CANX: variants seen among roughly 807,000 people sequenced by gnomAD.
CANX encodes calnexin.
In CANX, 14 loss-of-function variants were observed where a neutral mutation model predicts 75.7. The ratio of observed to expected loss-of-function variants is 0.19; its 90% confidence interval spans 0.12 to 0.29. The LOEUF (loss-of-function observed/expected upper bound fraction) is 0.29, where lower values mean the gene tolerates loss of function less well. Among genes scored for constraint, CANX ranks in the 10% least tolerant of loss-of-function variants. CANX has a pLI of 1.00. For synonymous variants in CANX, 227 were observed against 236.9 expected, an observed-to-expected ratio of 0.96 and a Z score of 0.38; for missense variants, 567 against 713.2, an observed-to-expected ratio of 0.79 and a Z score of 2.34.
At chr5:179,719,861 T>C in intron 9 of CANX, 80 bp downstream of exon 9, 1 of 774,512 alleles carries the variant, frequency 1.3e-6, no homozygotes, top group Non-Finnish European at 2.1e-6. Context: ...TCACTCTGTC[T>C]CCCAGGCTGG....
At position 179,709,813 on chromosome 5, in the gene CANX, A is replaced by C. The variant is rs1326271375; in HGVS notation, c.529-60A>C. 3 of 1,081,850 alleles carry C rather than the reference A, an allele frequency of 2.8e-6. No individual in the cohort carries two copies. In the East Asian group the frequency reaches 7.8e-5, roughly 28 times the overall value. 67.0% of individuals were successfully genotyped at this position (1,081,850 alleles called of 1,614,324 possible). ...AGAGGAATTATCATACACTTTTGAAACGTTGCTTTTGAACACTTTGAGTAC... is the reference window on the plus strand; with the variant it reads ...AGAGGAATTATCATACACTTTTGAACCGTTGCTTTTGAACACTTTGAGTAC... On this transcript the variant is annotated intron_variant, in intron 6 of 14. Transcript: ENST00000247461.
intron 1 of CANX, among the ~76,000 whole-genome samples, chr5:179,683,281 C>A (rs1035009002): frequency 6.6e-6 from 1 of 152,004 alleles, no homozygotes; most frequent in Non-Finnish European, 1.5e-5. Flanking sequence ...GCACCCGCCA[C>A]CATGCCTGGC....
chr5:179,698,182 A>T (rs1776472633), upstream of CANX, among the ~76,000 whole-genome samples: 2 of 152,172 alleles, frequency 1.3e-5, no homozygotes, highest in African/African-American at 4.8e-5. Flanking sequence ...GGTTACTAAA[A>T]TGGTGGCGTA....
intron 5 of CANX, 100 bp from the exon 6 acceptor site, chr5:179,708,878 T>C (rs1393709967): frequency 3.1e-6 from 2 of 651,846 alleles, no homozygotes; most frequent in East Asian, 2.7e-5. Flanking sequence ...ATTTGACCTA[T>C]GATAAAACGT....
chr5:179,701,311 G>T (rs1453951741), intron 1 of CANX, among the ~76,000 whole-genome samples: 2 of 152,096 alleles, frequency 1.3e-5, no homozygotes, highest in Non-Finnish European at 2.9e-5. Flanking sequence ...GTAATGAATT[G>T]GCTGGGCACG....
chr5:179,714,989 T>A (rs1405485314), intron 7 of CANX, among the ~76,000 whole-genome samples: 1 of 152,110 alleles, frequency 6.6e-6, no homozygotes, highest in Non-Finnish European at 1.5e-5. Flanking sequence ...GGTCTCGAAC[T>A]CCTGGCCTCA....
upstream of CANX, chr5:179,698,409 C>T: frequency 8.0e-7 from 1 of 1,255,230 alleles, no homozygotes; most frequent in South Asian, 1.3e-5. Flanking sequence ...GCTCACACAG[C>T]GCGGAGCAGT....
chr5:179,679,286 T>C, intron 1 of CANX: 1 of 1,503,484 alleles, frequency 6.7e-7, no homozygotes, highest in Non-Finnish European at 8.9e-7. Flanking sequence ...AGAGTCCGGG[T>C]GAGCAGCGTG....
Position 179,723,874 on chromosome 5 carries a change from G to A in CANX, c.1518+95G>A, listed in dbSNP as rs142794871. 2,464 of 1,140,020 alleles carry A rather than the reference G, an allele frequency of 2.2e-3. 42 individuals carry two copies. In the African/African-American group the frequency reaches 0.035, roughly 16 times the overall value. The allele number at this position is 1,140,020 out of a possible 1,614,324, so 70.6% of individuals were successfully genotyped here. On this transcript the variant is annotated intron_variant, in intron 12 of 14. Transcript: ENST00000247461. ...TATGTTGCCTGAGGTTTTCTTTGTA[G>A]TGGCTCAGTAATGACCAAGCCATGT...
intron 7 of CANX, 154 bp from the exon 8 acceptor site, chr5:179,715,951 C>T (rs1045298389): frequency 1.4e-6 from 1 of 705,498 alleles, no homozygotes. Context: ...TGGGCGTTAG[C>T]TTCCCCAAGA....
intron 1 of CANX, among the ~76,000 whole-genome samples, chr5:179,690,869 A>G (rs1333839606): frequency 6.6e-6 from 1 of 152,044 alleles, no homozygotes; most frequent in East Asian, 1.9e-4. Context: ...AGCCTGGGCG[A>G]CAGAGTGAGA....
chr5:179,715,647 T>G (rs1475102696), intron 7 of CANX, among the ~76,000 whole-genome samples: 17 of 152,206 alleles, frequency 1.1e-4, no homozygotes, highest in Non-Finnish European at 1.3e-4. Context: ...GACATGCGTT[T>G]TAATAAATTG....
chr5:179,711,714 T>G (rs11956723), intron 7 of CANX, among the ~76,000 whole-genome samples: 143,198 of 149,124 alleles, frequency 0.96, 69,002 homozygotes, highest in East Asian at 1. Context: ...GCTTGAACCC[T>G]GGAAGCGGAG....
chr5:179,697,570 G>C (rs1160000767), upstream of CANX, among the ~76,000 whole-genome samples: 1 of 152,162 alleles, frequency 6.6e-6, no homozygotes, highest in Admixed American at 6.6e-5. Flanking sequence ...TTGAATAGCT[G>C]CTTCCCCAGG....
chr5:179,685,909 T>C (rs570899651), intron 1 of CANX, among the ~76,000 whole-genome samples: 1 of 152,106 alleles, frequency 6.6e-6, no homozygotes, highest in Admixed American at 6.6e-5. Flanking sequence ...CAGGCTAGTC[T>C]CAAACTCCTG....
chr5:179,718,958 C>A (rs866851533), intron 8 of CANX, among the ~76,000 whole-genome samples: 7 of 151,318 alleles, frequency 4.6e-5, no homozygotes, highest in Middle Eastern at 3.4e-3. Flanking sequence ...AGCCACCGCA[C>A]CTGGCCTTGT....
rs1400185860 is a variant in CANX at position 179,679,160 on chromosome 5, A to T, written c.-4+383A>T. 6 of 1,535,294 alleles carry T rather than the reference A, an allele frequency of 3.9e-6. No homozygotes were observed. The African/African-American group carries it at 5.5e-5, about 14-fold the overall frequency. On this transcript the variant is annotated intron_variant, in intron 1 of 14. Coordinates refer to the CANX transcript ENST00000681674. ...TGCCAGGGCGTGGACCTTGTAGGGC[A>T]CGCAGGTGCTCGAAGGGGAGCCTCG... is the stretch of plus-strand genomic sequence containing the variant.
intron 7 of CANX, among the ~76,000 whole-genome samples, chr5:179,715,312 T>G (rs1777862115): frequency 6.6e-6 from 1 of 152,100 alleles, no homozygotes; most frequent in African/African-American, 2.4e-5. Flanking sequence ...TTGGGCAGAT[T>G]GCCTGAGCTC....
chr5:179,731,167 T>G lies in CANX; in HGVS notation c.*2523T>G, dbSNP rs1265129491. On this transcript the variant is annotated 3_prime_UTR_variant, in exon 15 of 15. Transcript: ENST00000247461. Reference sequence around the variant, plus strand: ...TGCAGTAGTTTCTGTTGTATAATAGTGTGGACAGCAGCTCAGAAAAGGAGG... The same window carrying G: ...TGCAGTAGTTTCTGTTGTATAATAGGGTGGACAGCAGCTCAGAAAAGGAGG... Among the ~76,000 whole-genome samples the G allele has an allele frequency of 6.6e-6, 1 of 152,202 alleles. No homozygotes were observed. Among genetic ancestry groups the G allele is most frequent in the Non-Finnish European group, 1.5e-5 (1 of 68,034 alleles).
Sources: gnomAD v4.1 joint callset for allele counts (sites outside exome capture counted in the v4.1 genomes callset) on GRCh38, gnomAD v4.1.1 for gene constraint, MANE v1.5 for transcripts, NCBI Gene and HGNC (gene_info 2026-07-23, HGNC 2026-07-21) for gene names.